SDK1: variants seen among roughly 807,000 people sequenced by gnomAD.
SDK1 encodes protein sidekick-1.
In SDK1, 157 loss-of-function variants were observed where a neutral mutation model predicts 245.5. The ratio of observed to expected loss-of-function variants is 0.64; its 90% CI spans 0.56 to 0.73. The LOEUF is 0.73. Among genes scored for constraint, SDK1 ranks in the 30% least tolerant of loss-of-function variants. SDK1 has a pLI of 0.00. For missense variants in SDK1, 3,583 were observed against 3,002.3 expected (o/e 1.19, Z -4.52); for synonymous variants, 1,647 against 1,278.5 (o/e 1.29, Z -6.15).
At chr7:3,612,025 C>A (rs922136299) in intron 1 of SDK1, among the ~76,000 whole-genome samples, 1 of 152,036 alleles carries the variant, frequency 6.6e-6, no homozygotes, top group Non-Finnish European at 1.5e-5. Flanking sequence ...TATCTTCTCA[C>A]TCCTAAGTGG....
At chr7:3,991,802 C>T (rs547699677) in intron 14 of SDK1, among the ~76,000 whole-genome samples, 4 of 152,354 alleles carry the variant, frequency 2.6e-5, no homozygotes, top group African/African-American at 4.8e-5. Flanking sequence ...TGTGCTGCTA[C>T]CAGCTGGTTG....
intron 5 of SDK1, among the ~76,000 whole-genome samples, chr7:3,915,744 T>C (rs745899602): frequency 6.6e-6 from 1 of 152,216 alleles, no homozygotes; most frequent in Non-Finnish European, 1.5e-5. Context: ...GTTGATAAAG[T>C]ACCCTTGAGA....
chr7:3,641,776 C>T (rs528841152), intron 3 of SDK1, among the ~76,000 whole-genome samples, 182 bp from the exon 4 acceptor site: 1 of 152,178 alleles, frequency 6.6e-6, no homozygotes, highest in African/African-American at 2.4e-5. Context: ...CGTGGCTTGC[C>T]CGGTGCTTCA....
chr7:4,151,247 A>G (rs1780360559), intron 30 of SDK1, among the ~76,000 whole-genome samples: 1 of 152,116 alleles, frequency 6.6e-6, no homozygotes, highest in Non-Finnish European at 1.5e-5. Flanking sequence ...CCAGCGCCCC[A>G]GTGCACAGCT....
intron 1 of SDK1, among the ~76,000 whole-genome samples, chr7:3,498,502 T>G (rs1782092275): frequency 6.6e-6 from 1 of 152,204 alleles, no homozygotes; most frequent in African/African-American, 2.4e-5. Context: ...CTTAACACAT[T>G]GCCTAGTATA....
chr7:3,305,126 A>G (rs1033383684), intron 1 of SDK1, among the ~76,000 whole-genome samples: 8 of 152,166 alleles, frequency 5.3e-5, no homozygotes, highest in African/African-American at 9.7e-5. Flanking sequence ...TTGAAACTCA[A>G]CAGAGTACAC....
chr7:3,415,651 A>G (rs1779343327), intron 1 of SDK1, among the ~76,000 whole-genome samples: 1 of 151,250 alleles, frequency 6.6e-6, no homozygotes, highest in South Asian at 2.1e-4. Flanking sequence ...GTTGCTTTGT[A>G]TCCCTACTTC....
chr7:3,641,930 A>G (rs1468931198), intron 3 of SDK1, 28 bp from the exon 4 acceptor site: 3 of 1,597,048 alleles, frequency 1.9e-6, no homozygotes, highest in Admixed American at 1.8e-5. Context: ...GTTTTCTAGA[A>G]CTTGAAAGCA....
intron 41 of SDK1, among the ~76,000 whole-genome samples, chr7:4,233,904 C>T (rs749885071): frequency 5.3e-5 from 8 of 152,198 alleles, no homozygotes; most frequent in African/African-American, 7.2e-5. Flanking sequence ...TGTGTTTCCT[C>T]ATAGTTTTAA....
intron 5 of SDK1, among the ~76,000 whole-genome samples, chr7:3,852,263 A>G (rs1256885191): frequency 6.6e-6 from 1 of 151,720 alleles, no homozygotes. Flanking sequence ...CCGTAGAAGT[A>G]TAGAAAACTG....
At chr7:4,116,755 C>G (rs1045754424) in intron 25 of SDK1, among the ~76,000 whole-genome samples, 1 of 152,222 alleles carries the variant, frequency 6.6e-6, no homozygotes, top group Non-Finnish European at 1.5e-5. Context: ...GAACCATGGC[C>G]TTGTGGGAAT....
At chr7:3,415,636 T>C (rs1239438929) in intron 1 of SDK1, among the ~76,000 whole-genome samples, 1 of 151,712 alleles carries the variant, frequency 6.6e-6, no homozygotes, top group East Asian at 1.9e-4. Context: ...AAGTCCATGA[T>C]AGTAGTTGCT....
At chr7:4,163,693 C>G (rs1000344274) in intron 32 of SDK1, among the ~76,000 whole-genome samples, 2 of 152,094 alleles carry the variant, frequency 1.3e-5, no homozygotes, top group Non-Finnish European at 2.9e-5. Context: ...CAGCGCCAGC[C>G]GCAGCCTTCC....
intron 1 of SDK1, among the ~76,000 whole-genome samples, chr7:3,598,223 G>C (rs1781131114): frequency 6.6e-6 from 1 of 152,032 alleles, no homozygotes; most frequent in Non-Finnish European, 1.5e-5. Flanking sequence ...CAAGCCTTTT[G>C]CTCATTTTAT....
At chr7:3,644,243 T>TTATATATATATATATATA (rs66881824) in intron 4 of SDK1, among the ~76,000 whole-genome samples, 2 of 145,312 alleles carry the variant, frequency 1.4e-5, no homozygotes, top group South Asian at 2.2e-4. Flanking sequence ...GAACAAAAAT[T>TTATATATATATATATATA]TATATATATA....
intron 4 of SDK1, among the ~76,000 whole-genome samples, chr7:3,779,351 A>G (rs1398306694): frequency 6.6e-6 from 1 of 152,148 alleles, no homozygotes; most frequent in Non-Finnish European, 1.5e-5. Flanking sequence ...CGTCTTTTGC[A>G]TTGTAGCTAC....
chr7:3,367,236 A>G (rs554938312), intron 1 of SDK1, among the ~76,000 whole-genome samples: 27 of 151,926 alleles, frequency 1.8e-4, no homozygotes, highest in Non-Finnish European at 3.8e-4. Flanking sequence ...GTAATTTGTC[A>G]TCGTTGTAAT....
intron 4 of SDK1, among the ~76,000 whole-genome samples, chr7:3,777,373 C>T (rs1461327303): frequency 6.6e-6 from 1 of 152,200 alleles, no homozygotes; most frequent in Non-Finnish European, 1.5e-5. Context: ...TTATGGCTAT[C>T]AAAGTGTTTA....
chr7:4,002,805 G>A (rs528904152), intron 14 of SDK1, among the ~76,000 whole-genome samples: 1 of 152,224 alleles, frequency 6.6e-6, no homozygotes, highest in African/African-American at 2.4e-5. Context: ...GTGTAATTTC[G>A]GAGCTCTTGT....
Sources: allele counts gnomAD v4.1 joint callset (sites outside exome capture counted in the v4.1 genomes callset), GRCh38; gene constraint gnomAD v4.1.1; transcripts MANE v1.5; gene names NCBI Gene and HGNC (gene_info 2026-07-23, HGNC 2026-07-21).